LARP1B: variants seen among roughly 807,000 people sequenced by gnomAD.
The protein encoded by LARP1B is La ribonucleoprotein 1B, also known as la-related protein 1B.
A neutral mutation model predicts 114.2 loss-of-function variants in LARP1B; 76 were observed. The observed-to-expected ratio is 0.67, with a 90% CI of 0.55 to 0.81. The LOEUF (loss-of-function observed/expected upper bound fraction) is 0.81, where lower values mean the gene tolerates loss of function less well. Ranked by LOEUF, LARP1B falls within the 30% of genes least tolerant of loss-of-function variation. The pLI is 0.00. For missense variants in LARP1B, 1,014 were observed against 1,075.8 expected (o/e 0.94, Z 0.80); for synonymous variants, 345 against 348.0 (o/e 0.99, Z 0.10).
At chr4:128,187,308 A>G (rs1750696152) in intron 15 of LARP1B, among the ~76,000 whole-genome samples, 1 of 152,266 alleles carries the variant, frequency 6.6e-6, no homozygotes, top group Non-Finnish European at 1.5e-5. Context: ...CTGGAAAGCC[A>G]TAGGCATGGA....
At chr4:128,102,757 G>A (rs1341736937) in intron 8 of LARP1B, among the ~76,000 whole-genome samples, 1 of 152,116 alleles carries the variant, frequency 6.6e-6, no homozygotes, top group Non-Finnish European at 1.5e-5. Flanking sequence ...AGCAATTAAC[G>A]TAATATCTTC....
chr4:128,125,616 G>A (rs1004805652), intron 11 of LARP1B, among the ~76,000 whole-genome samples: 1 of 152,138 alleles, frequency 6.6e-6, no homozygotes, highest in Non-Finnish European at 1.5e-5. Context: ...ATGGTGGCGC[G>A]TGCCTGTAGT....
intron 8 of LARP1B, among the ~76,000 whole-genome samples, chr4:128,106,006 G>A (rs1449187899): frequency 1.3e-5 from 2 of 151,786 alleles, no homozygotes; most frequent in Non-Finnish European, 2.9e-5. Context: ...TTCAAAATCT[G>A]TTCATTTCTG....
chr4:128,149,423 G>A (rs561802970), intron 11 of LARP1B, among the ~76,000 whole-genome samples: 5 of 123,324 alleles, frequency 4.1e-5, no homozygotes, highest in Admixed American at 3.7e-4. Context: ...CAGAAGTTGA[G>A]TTAAAAAACC....
At chr4:128,124,039 C>A (rs909399502) in intron 11 of LARP1B, among the ~76,000 whole-genome samples, 1 of 152,164 alleles carries the variant, frequency 6.6e-6, no homozygotes, top group African/African-American at 2.4e-5. Context: ...TGTAGTATCT[C>A]ATTAGACTTG....
chr4:128,199,309 G>T, intron 15 of LARP1B, 130 bp from the exon 16 acceptor site: 1 of 526,744 alleles, frequency 1.9e-6, no homozygotes, highest in Non-Finnish European at 3.2e-6. Context: ...CATTAATTTA[G>T]GAGAGTTTTA....
intron 5 of LARP1B, among the ~76,000 whole-genome samples, chr4:128,083,573 C>G (rs1244333468): frequency 7.6e-6 from 1 of 131,138 alleles, no homozygotes; most frequent in Non-Finnish European, 1.6e-5. Flanking sequence ...GGGCAGGGGG[C>G]TGACCCCCCC....
At chr4:128,199,306 T>G (rs1318053030) in intron 15 of LARP1B, 133 bp from the exon 16 acceptor site, 7 of 516,488 alleles carry the variant, frequency 1.4e-5, no homozygotes, top group Non-Finnish European at 2.0e-5. Flanking sequence ...TGTCATTAAT[T>G]TAGGAGAGTT....
At chr4:128,158,701 T>G (rs1736961966) in intron 11 of LARP1B, among the ~76,000 whole-genome samples, 1 of 152,152 alleles carries the variant, frequency 6.6e-6, no homozygotes, top group Admixed American at 6.5e-5. Context: ...AAAGCTGCAG[T>G]GAGATAACAC....
chr4:128,091,812 G>T (rs1313613362), intron 7 of LARP1B, among the ~76,000 whole-genome samples: 1 of 152,112 alleles, frequency 6.6e-6, no homozygotes, highest in Non-Finnish European at 1.5e-5. Context: ...GACCAGGCTG[G>T]TATTGAACTC....
At chr4:128,208,098 C>T (rs1439398134) in intron 19 of LARP1B, among the ~76,000 whole-genome samples, 15 of 152,180 alleles carry the variant, frequency 9.9e-5, no homozygotes, top group East Asian at 1.9e-4. Context: ...GAGGCCGAGG[C>T]GGGTGGATCA....
chr4:128,096,653 T>G (rs1778131790), intron 7 of LARP1B, among the ~76,000 whole-genome samples: 1 of 151,646 alleles, frequency 6.6e-6, no homozygotes, highest in Non-Finnish European at 1.5e-5. Context: ...CAGGCTGGAG[T>G]GCAGTGGTGT....
At chr4:128,087,750 A>C (rs1774205927) in intron 5 of LARP1B, among the ~76,000 whole-genome samples, 1 of 152,158 alleles carries the variant, frequency 6.6e-6, no homozygotes, top group African/African-American at 2.4e-5. Flanking sequence ...GCAGTGGTGC[A>C]AGCCTGTAGT....
chr4:128,063,299 C>T (rs1218368547), intron 1 of LARP1B, among the ~76,000 whole-genome samples: 3 of 150,888 alleles, frequency 2.0e-5, no homozygotes, highest in African/African-American at 7.3e-5. Context: ...TGGTGGCGGG[C>T]GCCTGTAATC....
At chr4:128,135,676 G>A (rs1793134961) in intron 11 of LARP1B, among the ~76,000 whole-genome samples, 1 of 152,186 alleles carries the variant, frequency 6.6e-6, no homozygotes, top group South Asian at 2.1e-4. Flanking sequence ...AAAAGACTCA[G>A]TCGAAGTATG....
At chr4:128,178,361 A>G (rs551936028) in intron 13 of LARP1B, 70 bp from the exon 14 acceptor site, 47 of 1,124,410 alleles carry the variant, frequency 4.2e-5, no homozygotes, top group Non-Finnish European at 5.7e-5. Context: ...GAATTACAAA[A>G]TTATCCTTAT....
In LARP1B at chr4:128,156,100, C is replaced by T. The variant is rs1324840389; in HGVS notation, c.1525-6094C>T. On this transcript the variant is annotated intron_variant, in intron 11 of 19. Transcript: ENST00000326639. ...CACCCCCAGCCTGGTCTTCACCTACCCCAGCACTCCTGAGCCCTGTGCCTC... is the reference window on the plus strand; with the variant it reads ...CACCCCCAGCCTGGTCTTCACCTACTCCAGCACTCCTGAGCCCTGTGCCTC... 6 of 1,607,034 alleles carry T rather than the reference C, an allele frequency of 3.7e-6. No individual in the cohort carries two copies. In the African/African-American group the frequency reaches 5.3e-5, roughly 14 times the overall value.
chr4:128,169,706 G>A (rs1742714665), intron 12 of LARP1B, among the ~76,000 whole-genome samples: 1 of 151,700 alleles, frequency 6.6e-6, no homozygotes, highest in Non-Finnish European at 1.5e-5. Context: ...GTACAATCTC[G>A]GCTCACTGCC....
intron 9 of LARP1B, among the ~76,000 whole-genome samples, chr4:128,112,534 C>T (rs934723094): frequency 1.6e-5 from 2 of 122,956 alleles, no homozygotes; most frequent in African/African-American, 3.1e-5. Flanking sequence ...AGTGCAATGG[C>T]GTGATCTCAG....
Sources: gnomAD v4.1 joint callset for allele counts (sites outside exome capture counted in the v4.1 genomes callset) on GRCh38, gnomAD v4.1.1 for gene constraint, MANE v1.5 for transcripts, NCBI Gene and HGNC (gene_info 2026-07-23, HGNC 2026-07-21) for gene names.